The following GALNT14 variants were observed in gnomAD, a reference collection of about 807,000 sequenced individuals.
GALNT14 encodes the protein UDP-GalNAc:polypeptide N-acetylgalactosaminyltransferase 14.
A neutral mutation model predicts 77.5 loss-of-function variants in GALNT14; 60 were observed. The observed-to-expected ratio is 0.77, with a 90% CI of 0.63 to 0.96. GALNT14 has a LOEUF of 0.96. Ranked by LOEUF, GALNT14 falls within the 40% of genes least tolerant of loss-of-function variation. GALNT14 has a pLI of 0.00. For synonymous variants in GALNT14, 280 were observed against 281.7 expected (o/e 0.99, Z 0.06); for missense variants, 710 against 731.0 (o/e 0.97, Z 0.33).
At chr2:31,131,767 T>C (rs1292477558) in intron 1 of GALNT14, among the ~76,000 whole-genome samples, 2 of 152,156 alleles carry the variant, frequency 1.3e-5, no homozygotes, top group African/African-American at 4.8e-5. Context: ...CCTTATTCCG[T>C]CCCTGTTCAG....
chr2:31,004,388 T>C (rs983673287), intron 1 of GALNT14, among the ~76,000 whole-genome samples: 7 of 151,636 alleles, frequency 4.6e-5, no homozygotes, highest in Non-Finnish European at 7.4e-5. Context: ...CCCAGGAGAG[T>C]CCAAGGGGAG....
At chr2:30,988,398 C>CA (rs776053457) in intron 2 of GALNT14, among the ~76,000 whole-genome samples, 1 of 152,132 alleles carries the variant, frequency 6.6e-6, no homozygotes, top group Non-Finnish European at 1.5e-5. Context: ...AGTGACCCCA[C>CA]AGTAGGAGCT....
intron 1 of GALNT14, among the ~76,000 whole-genome samples, chr2:31,021,890 C>A (rs889202782): frequency 2.6e-5 from 4 of 152,196 alleles, no homozygotes; most frequent in Non-Finnish European, 5.9e-5. Context: ...GTGGATAGGT[C>A]CTTTCACTTC....
chr2:31,013,637 T>A (rs1019901715), intron 1 of GALNT14, among the ~76,000 whole-genome samples: 5 of 152,216 alleles, frequency 3.3e-5, no homozygotes, highest in Non-Finnish European at 5.9e-5. Context: ...TGACAGCACC[T>A]ATGAGCCCAT....
chr2:30,887,856 T>C, the GALNT14 span, among the ~76,000 whole-genome samples: 3 of 152,200 alleles, frequency 2.0e-5, no homozygotes, highest in African/African-American at 7.2e-5. Context: ...TCTTAGGTCA[T>C]TGATACCTTT....
chr2:30,975,585 C>T (rs1668582093), intron 2 of GALNT14, among the ~76,000 whole-genome samples: 1 of 152,112 alleles, frequency 6.6e-6, no homozygotes, highest in Admixed American at 6.5e-5. Context: ...ATTAATTTCA[C>T]TTCTTTTACC....
intron 1 of GALNT14, among the ~76,000 whole-genome samples, chr2:31,095,800 T>C (rs1473484779): frequency 6.6e-6 from 1 of 152,242 alleles, no homozygotes. Flanking sequence ...TGCCTAGTTT[T>C]CTCATTTGTA....
intron 1 of GALNT14, among the ~76,000 whole-genome samples, chr2:31,102,875 T>C (rs1463939753): frequency 1.3e-5 from 2 of 152,154 alleles, no homozygotes; most frequent in Non-Finnish European, 2.9e-5. Context: ...TCTTATTTAA[T>C]GCATTTTAAT....
chr2:30,924,248 G>A lies in GALNT14; in HGVS notation c.1251C>T (p.Ser417=), dbSNP rs1665214598. Residue 417 remains serine, a synonymous_variant, in exon 13 of 15, where the codon TCC becomes TCT. Coordinates refer to ENST00000349752, the MANE Select transcript of GALNT14 (RefSeq NM_024572.4). ...GTCGGATATTGCCCTTCTGGATGGA[G>A]GACTCCTTGGGGATGCTGGAGGAGA... ...IYPELSIPKE[S]SIQKGNIRQR... 1 of 1,614,206 alleles carries A rather than the reference G, an allele frequency of 6.2e-7. No individual in the cohort carries two copies. The highest frequency in any genetic ancestry group is 1.3e-5 in the African/African-American group (1 of 75,048).
intron 1 of GALNT14, among the ~76,000 whole-genome samples, chr2:31,014,751 A>C (rs1671244110): frequency 6.6e-6 from 1 of 152,202 alleles, no homozygotes; most frequent in Admixed American, 6.5e-5. Flanking sequence ...GGTAGGAGTC[A>C]ATGATCCCTA....
At chr2:30,910,233 T>C (rs1046410761), downstream of GALNT14, among the ~76,000 whole-genome samples, 2 of 151,768 alleles carry the variant, frequency 1.3e-5, no homozygotes, top group African/African-American at 4.8e-5. Context: ...AAGAAACCCC[T>C]GATCTGGTCC....
At chr2:30,994,152 G>T (rs1158804779) in intron 1 of GALNT14, among the ~76,000 whole-genome samples, 1 of 152,198 alleles carries the variant, frequency 6.6e-6, no homozygotes, top group Non-Finnish European at 1.5e-5. Flanking sequence ...GAACATGAGG[G>T]TTGTTGGTAT....
chr2:30,961,827 G>A lies in GALNT14; in HGVS notation c.399-3363C>T, dbSNP rs1014382174. Among the ~76,000 whole-genome samples, 10 of 152,104 alleles carry A rather than the reference G, an allele frequency of 6.6e-5. No homozygotes were observed. In the South Asian group the frequency reaches 1.0e-3, roughly 16 times the overall value. On this transcript the variant is annotated intron_variant, in intron 3 of 14. Transcript: ENST00000349752. The stretch of plus-strand genomic sequence containing the variant: ...CTCCCAAGTAGCTGGGATTACAGGC[G>A]CCTGCCACCATGCCCAGCTAATTTT...
chr2:31,005,310 G>A (rs577502805), intron 1 of GALNT14, among the ~76,000 whole-genome samples: 13 of 152,234 alleles, frequency 8.5e-5, no homozygotes, highest in African/African-American at 2.2e-4. Context: ...AAAGGGAAGC[G>A]CAGCCCCAGG....
Position 31,138,132 on chromosome 2 carries a change from A to AC in GALNT14, c.-47dup, listed in dbSNP as rs754198187. The AC allele has an allele frequency of 1.2e-6, 2 of 1,610,782 alleles. No individual in the cohort carries two copies. The highest frequency in any genetic ancestry group is 1.7e-4 in the Middle Eastern group (1 of 6,048). ...CTCCGCGGCGCTACGTCCCGGGGGC[A>AC]CCCCCCGGCGGTCAGGGTTGGCGGG... On this transcript the variant is annotated 5_prime_UTR_variant, in exon 1 of 15. Transcript: ENST00000349752.
At chr2:31,136,736 G>T (rs1223244263) in intron 1 of GALNT14, among the ~76,000 whole-genome samples, 1 of 152,142 alleles carries the variant, frequency 6.6e-6, no homozygotes, top group African/African-American at 2.4e-5. Flanking sequence ...GTGGAGGCTG[G>T]AGTTCAAACC....
chr2:30,948,784 C>T (rs942229646), intron 6 of GALNT14, among the ~76,000 whole-genome samples: 3 of 152,170 alleles, frequency 2.0e-5, no homozygotes, highest in Non-Finnish European at 2.9e-5. Flanking sequence ...AGTTATTAAA[C>T]CTGAGGGTAG....
downstream of GALNT14, among the ~76,000 whole-genome samples, chr2:30,905,497 G>A (rs531020840): frequency 1.4e-4 from 22 of 152,048 alleles, no homozygotes; most frequent in South Asian, 6.2e-4. Flanking sequence ...GAAGCGAGAC[G>A]GCAAGTTTAG....
chr2:31,122,370 C>G (rs11124242), intron 1 of GALNT14, among the ~76,000 whole-genome samples: 43,786 of 152,132 alleles, frequency 0.29, 6,710 homozygotes, highest in African/African-American at 0.36. Flanking sequence ...GAATCCCCAT[C>G]CCCACATGGG....
Sources: gnomAD v4.1 joint callset for allele counts (sites outside exome capture counted in the v4.1 genomes callset) on GRCh38, gnomAD v4.1.1 for gene constraint, MANE v1.5 for transcripts, NCBI Gene and HGNC (gene_info 2026-07-23, HGNC 2026-07-21) for gene names.